POU2F1: variants seen among roughly 807,000 people sequenced by gnomAD.
POU2F1 encodes the protein POU domain, class 2, transcription factor 1.
Under a neutral mutation model 84.9 loss-of-function variants are expected in POU2F1, and 16 were observed. The observed-to-expected ratio is 0.19, with a 90% CI of 0.13 to 0.29. POU2F1 has a LOEUF of 0.29. POU2F1 is among the 10% of genes least tolerant of loss of function. The probability of loss-of-function intolerance (pLI) is 1.00; values close to 1 mark genes in which losing one functional copy is unlikely to be tolerated. For missense variants in POU2F1, 738 were observed against 942.6 expected (o/e 0.78, Z 2.84); for synonymous variants, 368 against 368.3 (o/e 1.00, Z 0.01).
At chr1:167,380,127 C>A (rs1647407115) in intron 7 of POU2F1, 2 of 152,158 alleles carry the variant, frequency 1.3e-5, no homozygotes, top group Admixed American at 1.3e-4. Flanking sequence ...AATGTAGTAG[C>A]AAAGAGCATA....
intron 1 of POU2F1, among the ~76,000 whole-genome samples, chr1:167,263,196 A>G (rs1193042611): frequency 6.6e-6 from 1 of 152,228 alleles, no homozygotes; most frequent in Non-Finnish European, 1.5e-5. Context: ...AATGTAAGAA[A>G]AGATATGTTT....
chr1:167,262,109 C>A (rs761215506), intron 1 of POU2F1, among the ~76,000 whole-genome samples: 1 of 152,162 alleles, frequency 6.6e-6, no homozygotes, highest in Non-Finnish European at 1.5e-5. Flanking sequence ...TATTTTTAAT[C>A]ATCTCTACAG....
intron 1 of POU2F1, among the ~76,000 whole-genome samples, chr1:167,238,421 C>G (rs1437925301): frequency 1.3e-5 from 2 of 152,134 alleles, no homozygotes; most frequent in Non-Finnish European, 2.9e-5. Flanking sequence ...AAAAGCACAA[C>G]AATTCCTGGT....
At chr1:167,339,917 A>G (rs1339857844) in intron 2 of POU2F1, among the ~76,000 whole-genome samples, 1 of 152,246 alleles carries the variant, frequency 6.6e-6, no homozygotes, top group Non-Finnish European at 1.5e-5. Flanking sequence ...TGGGTGATTT[A>G]AACATTTTAC....
chr1:167,394,402 A>G (rs1484379652), intron 9 of POU2F1, among the ~76,000 whole-genome samples: 1 of 152,216 alleles, frequency 6.6e-6, no homozygotes, highest in Non-Finnish European at 1.5e-5. Flanking sequence ...ACATATTTGT[A>G]TACAGTATAA....
chr1:167,383,874 A>T lies in POU2F1; in HGVS notation c.736A>T (p.Asn246Tyr). 6.2e-7 allele frequency: 1 copy of T among 1,613,670 alleles called. No homozygotes were observed. Among genetic ancestry groups the T allele is most frequent in the Non-Finnish European group, 8.5e-7 (1 of 1,179,758 alleles). ...QGQQGLLQAQ[N>Y]LLTQLPQQSQ... ...TTCTACAGGTCTCCTGCAAGCGCAA[A>T]ATCTTCTAACGCAACTACCTCAGCA... The change falls in exon 8 of 16, where the codon AAT (asparagine) becomes TAT (tyrosine). Residue 246 changes from asparagine to tyrosine, a missense_variant. Around this residue, in one of 4 missense-constraint regions of POU2F1, gnomAD observed 163 missense variants for 214.4 expected, o/e 0.76. Transcript: ENST00000367866.
At chr1:167,352,766 G>A (rs1276648683) in intron 2 of POU2F1, among the ~76,000 whole-genome samples, 1 of 152,142 alleles carries the variant, frequency 6.6e-6, no homozygotes, top group East Asian at 1.9e-4. Context: ...ACTTAGTATA[G>A]CGGGCTTGAG....
At chr1:167,223,472 C>G (rs1648389926) in intron 1 of POU2F1, among the ~76,000 whole-genome samples, 1 of 151,998 alleles carries the variant, frequency 6.6e-6, no homozygotes, top group Non-Finnish European at 1.5e-5. Context: ...TGTTGCCTGT[C>G]ACTGGTGGAT....
intron 1 of POU2F1, among the ~76,000 whole-genome samples, chr1:167,311,302 C>A (rs1483603397): frequency 6.6e-6 from 1 of 151,988 alleles, no homozygotes; most frequent in Non-Finnish European, 1.5e-5. Context: ...TAGCAGAAAC[C>A]ATGCAAGCCA....
At chr1:167,305,582 G>A (rs562902045) in intron 1 of POU2F1, among the ~76,000 whole-genome samples, 80 of 152,126 alleles carry the variant, frequency 5.3e-4, no homozygotes, top group Non-Finnish European at 9.7e-4. Context: ...ATCTTATAGC[G>A]AATAATTTTT....
intron 3 of POU2F1, among the ~76,000 whole-genome samples, chr1:167,367,360 A>G (rs1659750945): frequency 6.6e-6 from 1 of 152,196 alleles, no homozygotes; most frequent in South Asian, 2.1e-4. Context: ...CCTGTGTCCC[A>G]GCATTTACCA....
intron 1 of POU2F1, among the ~76,000 whole-genome samples, chr1:167,290,655 G>A (rs1653861063): frequency 6.6e-6 from 1 of 152,218 alleles, no homozygotes; most frequent in South Asian, 2.1e-4. Context: ...TGTTGAGTGA[G>A]TGAATGTGTG....
chr1:167,225,417 T>G (rs939386110), intron 1 of POU2F1, among the ~76,000 whole-genome samples: 8 of 152,252 alleles, frequency 5.3e-5, no homozygotes, highest in African/African-American at 7.2e-5. Context: ...TTAAATTTAC[T>G]ATTCTCTACA....
intron 1 of POU2F1, among the ~76,000 whole-genome samples, chr1:167,265,550 T>C (rs1163992181): frequency 6.6e-6 from 1 of 152,196 alleles, no homozygotes; most frequent in Non-Finnish European, 1.5e-5. Flanking sequence ...ATAACTCTTT[T>C]AGGTATTTAA....
rs10714431 is a variant in POU2F1, at chr1:167,420,168, C to CTTTTTTTTTTT, written c.*4366_*4376dup. 8.2e-6 allele frequency: 1 copy of CTTTTTTTTTTT among 122,046 alleles called. No homozygotes were observed. The highest frequency in any genetic ancestry group is 2.9e-5 in the African/African-American group (1 of 34,192). 7.6% of individuals were successfully genotyped at this position (122,046 alleles called of 1,614,324 possible). A position where few individuals can be genotyped will look rare whatever the true frequency, so the allele number is the denominator to read the frequency against. ...ATTGGCAAATATAGGGAATTCATGT[C>CTTTTTTTTTTT]TTTTTTTTTTTTTTTTTTCTGGTCT... is the stretch of plus-strand genomic sequence containing the variant. On this transcript the variant is annotated 3_prime_UTR_variant, in exon 16 of 16. Coordinates refer to ENST00000367866, the MANE Select transcript of POU2F1 (RefSeq NM_002697.4).
chr1:167,403,053 C>T (rs1327911498), intron 13 of POU2F1, among the ~76,000 whole-genome samples: 1 of 152,154 alleles, frequency 6.6e-6, no homozygotes, highest in Non-Finnish European at 1.5e-5. Flanking sequence ...TAAAAATTTG[C>T]ATCAGTTTTT....
In POU2F1 at chr1:167,293,566, A is replaced by G. The variant is rs184972282; in HGVS notation, c.62-38904A>G. On this transcript the variant is annotated intron_variant, in intron 1 of 15. Coordinates refer to ENST00000367866, the MANE Select transcript of POU2F1 (RefSeq NM_002697.4). ...TGACAGATTCAATGCAGTCCCTATC[A>G]AAATACCAACATCATTTTTCATGGA... Among the ~76,000 whole-genome samples the G allele has an allele frequency of 5.9e-5, 9 of 152,340 alleles. 1 individual carries two copies. In the East Asian group the frequency reaches 9.6e-4, roughly 16 times the overall value.
At chr1:167,359,110 C>G (rs1659177263) in intron 2 of POU2F1, among the ~76,000 whole-genome samples, 2 of 151,564 alleles carry the variant, frequency 1.3e-5, no homozygotes, top group Admixed American at 1.3e-4. Flanking sequence ...CTTATCTTCT[C>G]TGTACCATTT....
chr1:167,352,448 A>G (rs1361107417), intron 2 of POU2F1, among the ~76,000 whole-genome samples: 1 of 152,166 alleles, frequency 6.6e-6, no homozygotes, highest in Non-Finnish European at 1.5e-5. Context: ...TCACTTAGCT[A>G]ATATTTGTGA....
Sources: gnomAD v4.1 joint callset for allele counts (sites outside exome capture counted in the v4.1 genomes callset) on GRCh38, gnomAD v4.1.1 for gene constraint, gnomAD v4.1.1 regional missense constraint, MANE v1.5 for transcripts, NCBI Gene and HGNC (gene_info 2026-07-23, HGNC 2026-07-21) for gene names.